SPARCL1: variants seen among roughly 807,000 people sequenced by gnomAD.
SPARCL1 encodes the protein SPARC-like protein 1.
Under a neutral mutation model 67.1 loss-of-function variants are expected in SPARCL1, and 52 were observed. That is an observed-to-expected ratio of 0.78 (90% CI 0.62 to 0.98). The LOEUF (loss-of-function observed/expected upper bound fraction) is 0.98. Ranked by LOEUF, SPARCL1 falls within the 50% of genes least tolerant of loss-of-function variation. The probability of loss-of-function intolerance (pLI) is 0.00; values close to 1 mark genes in which losing one functional copy is unlikely to be tolerated. For synonymous variants in SPARCL1, 226 were observed against 267.8 expected, an observed-to-expected ratio of 0.84 and a Z score of 1.52; for missense variants, 717 against 782.4, an observed-to-expected ratio of 0.92 and a Z score of 1.00.
In SPARCL1 at chr4:87,499,554, G is replaced by A. The variant is rs1448730687; in HGVS notation, c.21C>T (p.Phe7=). MKTGLF[F]LCLLGTAAAI... ...CAGCTGCAGTTCCCAAGAGACATAG[G>A]AAAAAAAGCCCAGTCTTCATGCTTT... Residue 7 remains phenylalanine, a synonymous_variant, in exon 2 of 11, where the codon TTC becomes TTT. Transcript: ENST00000282470. 1 of 1,590,506 alleles carries A rather than the reference G, an allele frequency of 6.3e-7. No individual in the cohort carries two copies. The highest frequency in any genetic ancestry group is 1.9e-5 in the Admixed American group (1 of 51,880).
intron 10 of SPARCL1, among the ~76,000 whole-genome samples, chr4:87,476,862 T>A (rs1723604484): frequency 6.6e-6 from 1 of 152,234 alleles, no homozygotes; most frequent in East Asian, 1.9e-4. Context: ...CTAAACTTTA[T>A]CTTCTCCTGT....
rs1724503533 is a variant in SPARCL1 at position 87,494,179 on chromosome 4, C to T, written c.621G>A (p.Glu207=). 6.2e-7 allele frequency: 1 copy of T among 1,613,848 alleles called. No individual in the cohort carries two copies. Among genetic ancestry groups the T allele is most frequent in the East Asian group, 2.2e-5 (1 of 44,882 alleles). Residue 207 remains glutamate (E), a synonymous_variant, in exon 4 of 11, where the codon GAG becomes GAA. Transcript: ENST00000282470. ...CATTGTGGGTACCAACTTCACCTGG[C>T]TCTTTTTCTTCTTCCTCTTCTCCAT... ...ISNGEEEEEK[E]PGEVGTHNDN...
chr4:87,517,259 A>C (rs1018580626), intron 1 of SPARCL1, among the ~76,000 whole-genome samples: 3 of 152,088 alleles, frequency 2.0e-5, no homozygotes, highest in Non-Finnish European at 4.4e-5. Flanking sequence ...AAGGCCCCTC[A>C]CTTGTGCAGC....
At chr4:87,476,409 A>G (rs1009823402) in intron 10 of SPARCL1, among the ~76,000 whole-genome samples, 5 of 151,966 alleles carry the variant, frequency 3.3e-5, no homozygotes, top group African/African-American at 1.2e-4. Context: ...AGTTCTCATC[A>G]GCTCTTGCCT....
intron 1 of SPARCL1, among the ~76,000 whole-genome samples, chr4:87,510,009 T>G (rs1445555432): frequency 6.6e-6 from 1 of 152,214 alleles, no homozygotes; most frequent in Non-Finnish European, 1.5e-5. Flanking sequence ...TTGTGAGAGC[T>G]GTTTGTTACA....
intron 2 of SPARCL1, among the ~76,000 whole-genome samples, chr4:87,498,158 T>G (rs1436474643): frequency 2.0e-5 from 3 of 152,210 alleles, no homozygotes; most frequent in African/African-American, 7.2e-5. Context: ...CTCCTTTCAG[T>G]GTTGAACATT....
At chr4:87,506,261 C>T (rs997953785) in intron 1 of SPARCL1, among the ~76,000 whole-genome samples, 40 of 152,308 alleles carry the variant, frequency 2.6e-4, no homozygotes, top group African/African-American at 8.7e-4. Context: ...TTACTTAGCC[C>T]TCTAAGCCTC....
intron 8 of SPARCL1, among the ~76,000 whole-genome samples, chr4:87,480,820 C>CCTTTTTT (rs59503255): frequency 7.5e-6 from 1 of 133,384 alleles, no homozygotes. Context: ...ATGTTCGCTG[C>CCTTTTTT]TTTTTTTTTT....
Position 87,490,409 on chromosome 4 carries a change from AG to A in SPARCL1, c.1411-17del. On this transcript the variant is annotated splice_polypyrimidine_tract_variant and intron_variant, in intron 6 of 10. Coordinates refer to ENST00000282470, the MANE Select transcript of SPARCL1 (RefSeq NM_004684.6). ...TGCCACAAACCTATGGAAGATAAGT[AG>A]AAGAAAAAGCTGATAGAGCCAAATG... is the stretch of plus-strand genomic sequence containing the variant. 4 of 1,594,688 alleles carry A rather than the reference AG, an allele frequency of 2.5e-6. No individual in the cohort carries two copies. Among genetic ancestry groups the A allele is most frequent in the Non-Finnish European group, 1.7e-6 (2 of 1,174,124 alleles).
intron 1 of SPARCL1, among the ~76,000 whole-genome samples, chr4:87,501,168 G>A (rs1724829782): frequency 6.6e-6 from 1 of 152,120 alleles, no homozygotes; most frequent in African/African-American, 2.4e-5. Flanking sequence ...TCGCCCCTTG[G>A]AAGTGGCACT....
intron 10 of SPARCL1, 98 bp downstream of exon 10, chr4:87,479,332 A>G: frequency 4.6e-6 from 6 of 1,315,730 alleles, no homozygotes; most frequent in Non-Finnish European, 6.3e-6. Context: ...CTAGCTTCCA[A>G]TTCGAACATG....
intron 10 of SPARCL1, among the ~76,000 whole-genome samples, chr4:87,479,063 A>G (rs1408965371): frequency 6.6e-6 from 1 of 151,998 alleles, no homozygotes; most frequent in Non-Finnish European, 1.5e-5. Flanking sequence ...TTTATTCTTT[A>G]TGTGTAATTT....
chr4:87,528,675 A>G (rs1462544875), intron 1 of SPARCL1: 1 of 152,118 alleles, frequency 6.6e-6, no homozygotes, highest in African/African-American at 2.4e-5. Flanking sequence ...TTTTTTAAAA[A>G]CTACCTTCTT....
At chr4:87,516,295 C>T (rs532306534) in intron 1 of SPARCL1, among the ~76,000 whole-genome samples, 7 of 152,054 alleles carry the variant, frequency 4.6e-5, no homozygotes, top group Middle Eastern at 3.2e-3. Flanking sequence ...CACCAGATCT[C>T]GAGACATTAT....
intron 2 of SPARCL1, among the ~76,000 whole-genome samples, chr4:87,498,633 T>C (rs1724719785): frequency 6.6e-6 from 1 of 152,190 alleles, no homozygotes; most frequent in Non-Finnish European, 1.5e-5. Flanking sequence ...AGCTGCTTTA[T>C]TGCTGTGCAA....
intron 7 of SPARCL1, among the ~76,000 whole-genome samples, chr4:87,487,988 A>G (rs989581837): frequency 3.9e-5 from 6 of 152,144 alleles, no homozygotes; most frequent in Non-Finnish European, 8.8e-5. Context: ...CTGGTTAGCA[A>G]TTCCTCTAAC....
chr4:87,478,480 C>T (rs1723670986), intron 10 of SPARCL1, among the ~76,000 whole-genome samples: 1 of 151,120 alleles, frequency 6.6e-6, no homozygotes, highest in Non-Finnish European at 1.5e-5. Context: ...CTCTATCACC[C>T]AGGCTGGAGT....
rs967636286 is a variant in SPARCL1 at position 87,528,771 on chromosome 4, G to A, written c.-12+274C>T. Among the ~76,000 whole-genome samples, 8 of 152,090 alleles carry A rather than the reference G, an allele frequency of 5.3e-5. 1 individual carries two copies. The highest frequency in any genetic ancestry group is 5.2e-4 in the Admixed American group (8 of 15,254). ...TTCACTAAGATCTGAATGCTACTGA[G>A]GCGATCAACAGTTCCACATTTCTAT... On this transcript the variant is annotated intron_variant, in intron 1 of 10. Coordinates refer to ENST00000282470, the MANE Select transcript of SPARCL1 (RefSeq NM_004684.6).
chr4:87,527,830 A>C (rs1452864095), intron 1 of SPARCL1, among the ~76,000 whole-genome samples: 1 of 151,902 alleles, frequency 6.6e-6, no homozygotes, highest in African/African-American at 2.4e-5. Flanking sequence ...ATGAACAGAA[A>C]TATTAACTTA....
Sources: allele counts gnomAD v4.1 joint callset (sites outside exome capture counted in the v4.1 genomes callset), GRCh38; gene constraint gnomAD v4.1.1; transcripts MANE v1.5; gene names NCBI Gene and HGNC (gene_info 2026-07-23, HGNC 2026-07-21).